Variants in NOL10 observed in about 807,000 individuals in gnomAD.
The protein encoded by NOL10 is nucleolar protein 10, also known as H_NH0074G24.1.
In NOL10, 58 loss-of-function variants were observed where a neutral mutation model predicts 103.5. That is an observed-to-expected ratio of 0.56 (90% CI 0.45 to 0.70). The LOEUF is 0.70. Ranked by LOEUF, NOL10 falls within the 30% of genes least tolerant of loss-of-function variation. NOL10 has a pLI of 0.00. For synonymous variants in NOL10, 287 were observed against 282.5 expected, an observed-to-expected ratio of 1.02 and a Z score of -0.16; for missense variants, 763 against 807.3, an observed-to-expected ratio of 0.95 and a Z score of 0.67.
At chr2:10,678,544 A>C (rs947733082) in intron 3 of NOL10, among the ~76,000 whole-genome samples, 1 of 152,178 alleles carries the variant, frequency 6.6e-6, no homozygotes, top group Non-Finnish European at 1.5e-5. Flanking sequence ...CATAAACCCA[A>C]TGCTTCCAAA....
intron 9 of NOL10, 58 bp from the exon 10 acceptor site, chr2:10,659,308 C>A: frequency 1.4e-6 from 1 of 696,238 alleles, no homozygotes; most frequent in Non-Finnish European, 2.4e-6. Flanking sequence ...TTCCAAGTAA[C>A]AAGTTCATTA....
At chr2:10,673,915 T>G (rs1461734518) in intron 4 of NOL10, among the ~76,000 whole-genome samples, 2 of 152,100 alleles carry the variant, frequency 1.3e-5, no homozygotes, top group Non-Finnish European at 2.9e-5. Flanking sequence ...ACAAAAAAGA[T>G]GTCATTTTTT....
chr2:10,682,524 C>G (rs57382387), intron 2 of NOL10, among the ~76,000 whole-genome samples: 11 of 151,578 alleles, frequency 7.3e-5, no homozygotes, highest in African/African-American at 1.9e-4. Flanking sequence ...CTCAGCCCCC[C>G]CAAATAGCTA....
chr2:10,573,345 C>T (rs1572214362), intron 20 of NOL10, among the ~76,000 whole-genome samples: 2 of 152,298 alleles, frequency 1.3e-5, no homozygotes, highest in East Asian at 3.9e-4. Flanking sequence ...AGGCACCCGC[C>T]ACCACGCCCG....
intron 12 of NOL10, among the ~76,000 whole-genome samples, chr2:10,653,856 C>G (rs947095912): frequency 3.9e-5 from 6 of 152,164 alleles, no homozygotes; most frequent in African/African-American, 1.4e-4. Flanking sequence ...TCAAAGTACT[C>G]TTTGCACAAA....
intron 13 of NOL10, among the ~76,000 whole-genome samples, chr2:10,635,616 C>T (rs558409889): frequency 8.5e-5 from 13 of 152,180 alleles, no homozygotes; most frequent in Non-Finnish European, 1.5e-4. Context: ...AGCCACTGAA[C>T]CCTGCTGCCT....
chr2:10,684,005 G>A (rs951515837), intron 2 of NOL10, among the ~76,000 whole-genome samples: 2 of 152,068 alleles, frequency 1.3e-5, no homozygotes, highest in African/African-American at 2.4e-5. Context: ...GCGGCCGGAC[G>A]CGGTGGCTCA....
chr2:10,681,392 AT>A (rs1277764418), intron 3 of NOL10, among the ~76,000 whole-genome samples: 3 of 152,214 alleles, frequency 2.0e-5, no homozygotes, highest in African/African-American at 4.8e-5. Flanking sequence ...GTATGACTAC[AT>A]TTATATTAAG....
At chr2:10,680,845 T>TAC (rs1681708696) in intron 3 of NOL10, among the ~76,000 whole-genome samples, 1 of 152,232 alleles carries the variant, frequency 6.6e-6, no homozygotes, top group African/African-American at 2.4e-5. Context: ...GGTTGGGTGA[T>TAC]ACTGTTCAAC....
intron 7 of NOL10, 42 bp downstream of exon 7, chr2:10,668,615 TC>T (rs1374308992): frequency 2.8e-6 from 3 of 1,066,708 alleles, no homozygotes; most frequent in Non-Finnish European, 4.1e-6. Context: ...TGGCTCCACC[TC>T]CTGGTCAAAA....
chr2:10,596,185 T>TA (rs564499443), intron 17 of NOL10, among the ~76,000 whole-genome samples: 251 of 128,052 alleles, frequency 2.0e-3, no homozygotes, highest in Non-Finnish European at 3.1e-3. Context: ...ACACATAGCC[T>TA]AGAACAGTGA....
intron 1 of NOL10, among the ~76,000 whole-genome samples, chr2:10,686,372 T>C (rs575310880): frequency 1.3e-5 from 2 of 152,128 alleles, no homozygotes; most frequent in Admixed American, 6.5e-5. Context: ...TCTCGAGCAG[T>C]GAGACTTGTG....
rs149032023 is a variant in NOL10 at position 10,590,180 on chromosome 2, C to T, written c.1423-429G>A. Among the ~76,000 whole-genome samples, 733 of 152,280 alleles carry T rather than the reference C, an allele frequency of 4.8e-3. 3 individuals are homozygous for T. The highest frequency in any genetic ancestry group is 0.016 in the African/African-American group (671 of 41,540). On this transcript the variant is annotated intron_variant, in intron 17 of 20. Transcript: ENST00000381685. ...GGAGTGCAGTGGCACAATCACAGCTCACTGCAGCCCCAACCTCCTGGGCTC... is the reference window on the plus strand; with the variant it reads ...GGAGTGCAGTGGCACAATCACAGCTTACTGCAGCCCCAACCTCCTGGGCTC...
At chr2:10,682,242 G>GT (rs906066962) in intron 2 of NOL10, among the ~76,000 whole-genome samples, 173 bp from the exon 3 acceptor site, 46 of 151,892 alleles carry the variant, frequency 3.0e-4, no homozygotes, top group African/African-American at 9.4e-4. Flanking sequence ...AACAGCAGAG[G>GT]TTTTTTCCTT....
At chr2:10,687,726 A>T (rs1304517532) in intron 1 of NOL10, among the ~76,000 whole-genome samples, 2 of 152,162 alleles carry the variant, frequency 1.3e-5, no homozygotes, top group Non-Finnish European at 2.9e-5. Context: ...TGGGAGGCCG[A>T]GGTGGGTGGA....
intron 10 of NOL10, 56 bp downstream of exon 10, chr2:10,659,116 T>C: frequency 1.7e-6 from 2 of 1,173,892 alleles, no homozygotes; most frequent in Non-Finnish European, 2.5e-6. Flanking sequence ...TCATGACACA[T>C]ACACACACCA....
intron 13 of NOL10, among the ~76,000 whole-genome samples, chr2:10,613,768 GT>G (rs574058018): frequency 1.3e-5 from 2 of 151,826 alleles, no homozygotes; most frequent in East Asian, 3.9e-4. Context: ...GAATATAAAA[GT>G]TTTTTTTACC....
chr2:10,659,372 G>C (rs1680047905), intron 9 of NOL10, 122 bp from the exon 10 acceptor site: 1 of 664,088 alleles, frequency 1.5e-6, no homozygotes, highest in Non-Finnish European at 2.7e-6. Context: ...ACATTTCTAG[G>C]CTTCTGTTTA....
intron 13 of NOL10, among the ~76,000 whole-genome samples, chr2:10,612,893 G>T (rs1387457319): frequency 1.3e-5 from 2 of 151,634 alleles, no homozygotes; most frequent in African/African-American, 4.8e-5. Context: ...ACCAGGTATG[G>T]TGGCATGTGC....
Sources: gnomAD v4.1 joint callset for allele counts (sites outside exome capture counted in the v4.1 genomes callset) on GRCh38, gnomAD v4.1.1 for gene constraint, MANE v1.5 for transcripts, NCBI Gene and HGNC (gene_info 2026-07-23, HGNC 2026-07-21) for gene names.